NRXN3: variants seen among roughly 807,000 people sequenced by gnomAD.
The protein encoded by NRXN3 is neurexin 3.
In NRXN3, 32 loss-of-function variants were observed where a neutral mutation model predicts 137.6. The observed-to-expected ratio is 0.23, with a 90% CI of 0.18 to 0.31. The LOEUF (loss-of-function observed/expected upper bound fraction) is 0.31, where lower values mean the gene tolerates loss of function less well. Ranked by LOEUF, NRXN3 falls within the 10% of genes least tolerant of loss-of-function variation. NRXN3 has a pLI of 1.00. For synonymous variants in NRXN3, 798 were observed against 784.5 expected (o/e 1.02, Z -0.29); for missense variants, 1,574 against 2,062.5 (o/e 0.76, Z 4.59).
chr14:78,597,134 T>C (rs1008250352), intron 4 of NRXN3, among the ~76,000 whole-genome samples: 1 of 152,202 alleles, frequency 6.6e-6, no homozygotes, highest in Non-Finnish European at 1.5e-5. Context: ...CAGGCCAGCA[T>C]ACTGCTGGAG....
At chr14:79,670,861 A>G (rs745502857) in intron 17 of NRXN3, among the ~76,000 whole-genome samples, 3 of 152,150 alleles carry the variant, frequency 2.0e-5, no homozygotes, top group Non-Finnish European at 2.9e-5. Flanking sequence ...ACTTTCTACA[A>G]TGAAGTTTAC....
At chr14:78,963,753 A>G (rs959613195) in intron 11 of NRXN3, among the ~76,000 whole-genome samples, 8 of 152,166 alleles carry the variant, frequency 5.3e-5, no homozygotes, top group African/African-American at 1.9e-4. Context: ...CATAACATGT[A>G]AATCTAATTT....
At chr14:79,685,863 G>A (rs1239317657) in intron 17 of NRXN3, among the ~76,000 whole-genome samples, 1 of 152,180 alleles carries the variant, frequency 6.6e-6, no homozygotes. Context: ...ATATTAACAT[G>A]TATGCACAAA....
chr14:78,874,376 T>C (rs1160503760), intron 10 of NRXN3, among the ~76,000 whole-genome samples: 2 of 152,186 alleles, frequency 1.3e-5, no homozygotes, highest in Admixed American at 6.5e-5. Context: ...ATGTAATCAA[T>C]GTGGAATAGG....
intron 15 of NRXN3, among the ~76,000 whole-genome samples, chr14:79,407,561 C>T (rs2095339014): frequency 6.6e-6 from 1 of 152,118 alleles, no homozygotes; most frequent in Non-Finnish European, 1.5e-5. Flanking sequence ...GGATAGAGCA[C>T]ATAGTAAGGC....
chr14:79,455,670 G>C (rs1600564224), intron 15 of NRXN3, among the ~76,000 whole-genome samples: 2 of 151,746 alleles, frequency 1.3e-5, no homozygotes, highest in Admixed American at 1.3e-4. Context: ...CTTTAAAGTT[G>C]TACAAAGTAT....
intron 1 of NRXN3, among the ~76,000 whole-genome samples, chr14:78,221,370 G>A (rs2063830441): frequency 6.6e-6 from 1 of 152,116 alleles, no homozygotes; most frequent in Admixed American, 6.6e-5. Context: ...TCGGTGATAA[G>A]GGAGTAGGAA....
At chr14:78,780,643 T>C (rs1284859154) in intron 8 of NRXN3, among the ~76,000 whole-genome samples, 1 of 152,084 alleles carries the variant, frequency 6.6e-6, no homozygotes. Context: ...GCAAAGGATA[T>C]GAATAAGCAA....
At chr14:78,811,489 A>G (rs906445603) in intron 10 of NRXN3, among the ~76,000 whole-genome samples, 1 of 152,198 alleles carries the variant, frequency 6.6e-6, no homozygotes, top group African/African-American at 2.4e-5. Flanking sequence ...CCTACATGCA[A>G]AGGAAGCTGG....
chr14:79,538,259 G>T (rs2097233970), intron 16 of NRXN3, among the ~76,000 whole-genome samples: 1 of 152,084 alleles, frequency 6.6e-6, no homozygotes, highest in African/African-American at 2.4e-5. Context: ...TCACTCTGAT[G>T]GTAGTTTCTT....
At chr14:78,300,165 G>T (rs1166685679) in intron 4 of NRXN3, among the ~76,000 whole-genome samples, 1 of 152,222 alleles carries the variant, frequency 6.6e-6, no homozygotes, top group Non-Finnish European at 1.5e-5. Context: ...ATAAATATGT[G>T]TGGAAATATG....
intron 15 of NRXN3, among the ~76,000 whole-genome samples, chr14:78,996,459 T>G (rs1193355149): frequency 6.6e-6 from 1 of 152,220 alleles, no homozygotes; most frequent in Non-Finnish European, 1.5e-5. Context: ...AGTTTCCTGA[T>G]GAGAATTCAT....
chr14:78,750,640 A>G (rs1343722676), intron 8 of NRXN3, among the ~76,000 whole-genome samples: 4 of 152,322 alleles, frequency 2.6e-5, no homozygotes, highest in Admixed American at 2.6e-4. Flanking sequence ...AAACCATACC[A>G]ATGAACAACA....
intron 15 of NRXN3, among the ~76,000 whole-genome samples, chr14:79,124,627 A>G (rs939707086): frequency 2.6e-5 from 4 of 152,190 alleles, no homozygotes; most frequent in African/African-American, 9.7e-5. Flanking sequence ...ACGTGAGTGT[A>G]TAATAAACAC....
intron 15 of NRXN3, among the ~76,000 whole-genome samples, chr14:79,319,663 C>T (rs2089613569): frequency 6.6e-6 from 1 of 152,132 alleles, no homozygotes; most frequent in Admixed American, 6.6e-5. Context: ...TAGAGCCTTT[C>T]CTGGACAGAT....
At chr14:79,634,702 A>C (rs1434932946) in intron 16 of NRXN3, among the ~76,000 whole-genome samples, 1 of 152,108 alleles carries the variant, frequency 6.6e-6, no homozygotes, top group Non-Finnish European at 1.5e-5. Context: ...GCCCCCAACA[A>C]CTATGCTCTT....
chr14:78,872,024 C>T (rs2099102479), intron 10 of NRXN3, among the ~76,000 whole-genome samples: 1 of 151,930 alleles, frequency 6.6e-6, no homozygotes, highest in East Asian at 1.9e-4. Flanking sequence ...TCTAACTCCT[C>T]CCCACCTCAA....
At chr14:78,280,535 T>C (rs2074262961) in intron 3 of NRXN3, among the ~76,000 whole-genome samples, 1 of 152,132 alleles carries the variant, frequency 6.6e-6, no homozygotes, top group Non-Finnish European at 1.5e-5. Flanking sequence ...CGGCTTCTCT[T>C]TCTGGTTCCC....
At chr14:79,687,867 A>G (rs914593608) in intron 17 of NRXN3, among the ~76,000 whole-genome samples, 17 of 152,156 alleles carry the variant, frequency 1.1e-4, no homozygotes, top group Admixed American at 3.9e-4. Flanking sequence ...TTTTACTTTC[A>G]GTGGTTTTAG....
Sources: gnomAD v4.1 joint callset for allele counts (sites outside exome capture counted in the v4.1 genomes callset) on GRCh38, gnomAD v4.1.1 for gene constraint, MANE v1.5 for transcripts, NCBI Gene and HGNC (gene_info 2026-07-23, HGNC 2026-07-21) for gene names.